SUSD1: variants seen among roughly 807,000 people sequenced by gnomAD.
SUSD1 encodes sushi domain containing 1, also known as sushi domain-containing protein 1.
A neutral mutation model predicts 86.9 loss-of-function variants in SUSD1; 65 were observed. The ratio of observed to expected loss-of-function variants is 0.75; its 90% CI spans 0.61 to 0.92. SUSD1 has a LOEUF of 0.92. Ranked by LOEUF, SUSD1 falls within the 40% of genes least tolerant of loss-of-function variation. The pLI is 0.00. For missense variants in SUSD1, 850 were observed against 929.7 expected (o/e 0.91, Z 1.11); for synonymous variants, 346 against 350.0 (o/e 0.99, Z 0.13).
chr9:112,102,287 TAA>T lies in SUSD1; in HGVS notation c.1172-4_1172-3del. 1 of 1,517,280 alleles carries T rather than the reference TAA, an allele frequency of 6.6e-7. No homozygotes were observed. Among genetic ancestry groups the T allele is most frequent in the Non-Finnish European group, 9.0e-7 (1 of 1,106,970 alleles). The allele number at this position is 1,517,280 out of a possible 1,614,324, so 94.0% of individuals were successfully genotyped here. A position where few individuals can be genotyped will look rare whatever the true frequency, so the allele number is the denominator to read the frequency against. Reference sequence around the variant, plus strand: ...CATCATCTTCTAAGAGATCAACTTCTAAAAGACAAGAGAGAGAGTTATAGACA... The same window carrying T: ...CATCATCTTCTAAGAGATCAACTTCTAAGACAAGAGAGAGAGTTATAGACA... On this transcript the variant is annotated splice_region_variant and splice_polypyrimidine_tract_variant and intron_variant, in intron 8 of 16. Transcript: ENST00000374270.
intron 8 of SUSD1, among the ~76,000 whole-genome samples, chr9:112,109,993 A>G (rs568743893): frequency 6.6e-6 from 1 of 152,278 alleles, no homozygotes; most frequent in African/African-American, 2.4e-5. Flanking sequence ...ACTCGGGTTA[A>G]GGTACAGTTT....
In SUSD1 at chr9:112,142,319, C is replaced by G. The variant is rs1246985405; in HGVS notation, c.706+1G>C. The G allele has an allele frequency of 6.4e-7, 1 of 1,565,170 alleles. No individual in the cohort carries two copies. The highest frequency in any genetic ancestry group is 2.3e-5 in the East Asian group (1 of 43,252). On this transcript the variant is annotated splice_donor_variant, in intron 5 of 16. Coordinates refer to ENST00000374270, the MANE Select transcript of SUSD1 (RefSeq NM_022486.5). LOFTEE classifies it high-confidence loss of function. ...GGAACCTGTATTTTTTGAAAACTCACCTTGGCAATGTAATTTTGGGGACTC... is the reference window on the plus strand; with the variant it reads ...GGAACCTGTATTTTTTGAAAACTCAGCTTGGCAATGTAATTTTGGGGACTC...
chr9:112,152,357 AT>A (rs1029468846), intron 2 of SUSD1, among the ~76,000 whole-genome samples: 9 of 151,190 alleles, frequency 6.0e-5, no homozygotes, highest in East Asian at 1.9e-4. Context: ...TGTACGAAGA[AT>A]TTTTTTTTGT....
chr9:112,156,185 C>T (rs1372829353), intron 2 of SUSD1, among the ~76,000 whole-genome samples: 3 of 151,684 alleles, frequency 2.0e-5, no homozygotes, highest in Non-Finnish European at 4.4e-5. Context: ...ACTCACTGGC[C>T]GGGCGCAGTG....
rs1262402878 is a variant in SUSD1 at position 112,173,557 on chromosome 9, C to T, written c.103+1576G>A. ...GGCTTTGTAGGGGCCTGAGCTCCTT[C>T]GGGAGTCTGAGCTGGAACTGAAGCT... is the stretch of plus-strand genomic sequence containing the variant. On this transcript the variant is annotated intron_variant, in intron 1 of 16. Coordinates refer to ENST00000374270, the MANE Select transcript of SUSD1 (RefSeq NM_022486.5). 6.4e-5 allele frequency: 22 copies of T among 344,338 alleles called. No individual in the cohort carries two copies. The East Asian group carries it at 6.4e-4, about 10-fold the overall frequency. The allele number at this position is 344,338 out of a possible 1,614,324, so 21.3% of individuals were successfully genotyped here.
chr9:112,110,938 C>A (rs911172049), intron 8 of SUSD1, among the ~76,000 whole-genome samples: 1 of 152,150 alleles, frequency 6.6e-6, no homozygotes, highest in Non-Finnish European at 1.5e-5. Flanking sequence ...GCTGGGTCAG[C>A]CTCCCTGGCA....
intron 13 of SUSD1, among the ~76,000 whole-genome samples, chr9:112,061,812 CTT>C (rs78974539): frequency 1.4e-5 from 2 of 146,184 alleles, no homozygotes; most frequent in African/African-American, 2.5e-5. Flanking sequence ...TAATATCTCA[CTT>C]TTTTTTTTTT....
chr9:112,133,318 A>G (rs769411674), intron 5 of SUSD1, among the ~76,000 whole-genome samples: 41 of 152,214 alleles, frequency 2.7e-4, no homozygotes, highest in Admixed American at 1.3e-4. Context: ...TTCAAACTAT[A>G]CTACAAAGCT....
At chr9:112,083,448 G>A (rs762172071) in intron 10 of SUSD1, among the ~76,000 whole-genome samples, 21 of 152,174 alleles carry the variant, frequency 1.4e-4, no homozygotes, top group Non-Finnish European at 2.9e-4. Context: ...GGCTGGTCTC[G>A]AACTCCTGAC....
At chr9:112,157,711 A>C in intron 1 of SUSD1, 98 bp from the exon 2 acceptor site, 1 of 827,180 alleles carries the variant, frequency 1.2e-6, no homozygotes, top group Non-Finnish European at 2.0e-6. Flanking sequence ...TTTGAAGACC[A>C]AAATAACACA....
At chr9:112,173,795 G>A (rs780096099) in intron 1 of SUSD1, 17 of 277,806 alleles carry the variant, frequency 6.1e-5, no homozygotes, top group African/African-American at 2.7e-4. Context: ...TGGCACTGTC[G>A]CCCTGCATCT....
chr9:112,170,728 G>GAT (rs1347691299), intron 1 of SUSD1, among the ~76,000 whole-genome samples: 1 of 151,484 alleles, frequency 6.6e-6, no homozygotes, highest in Non-Finnish European at 1.5e-5. Flanking sequence ...GAGAGAGAGA[G>GAT]AGAGAGAGCC....
intron 10 of SUSD1, among the ~76,000 whole-genome samples, chr9:112,089,997 G>T (rs1167786500): frequency 6.6e-6 from 1 of 151,996 alleles, no homozygotes; most frequent in South Asian, 2.1e-4. Context: ...ATGAAAACAG[G>T]TGACAGGCCA....
chr9:112,160,737 A>G (rs1379577585), intron 1 of SUSD1, among the ~76,000 whole-genome samples: 1 of 152,224 alleles, frequency 6.6e-6, no homozygotes, highest in Non-Finnish European at 1.5e-5. Context: ...GAGAGGAAGA[A>G]CTAAAAGCCA....
At chr9:112,054,715 AT>A (rs756418864) in intron 14 of SUSD1, among the ~76,000 whole-genome samples, 2 of 152,194 alleles carry the variant, frequency 1.3e-5, no homozygotes, top group Non-Finnish European at 2.9e-5. Context: ...AAACCTAAAT[AT>A]AAGACCTCAA....
At chr9:112,132,613 G>A (rs907131368) in intron 5 of SUSD1, among the ~76,000 whole-genome samples, 2 of 152,176 alleles carry the variant, frequency 1.3e-5, no homozygotes, top group East Asian at 3.8e-4. Flanking sequence ...CAATGCTTAC[G>A]TTCCAAATCA....
Position 112,175,248 on chromosome 9 carries a change from CCCTCCCGGCGCGCCCGCGCCT to C in SUSD1, c.-34_-14del. On this transcript the variant is annotated 5_prime_UTR_variant, in exon 1 of 17. Transcript: ENST00000374270. This position sits in a 1 kb window ranked among gnomAD's most constrained non-coding sequence, Gnocchi z 4.7. ...GCCCCCGGCCCATGCCGCCGCCGGTCCCTCCCGGCGCGCCCGCGCCTCCTCCCGGGGCCCTCAGGGTGCAGA... is the reference window on the plus strand; with the variant it reads ...GCCCCCGGCCCATGCCGCCGCCGGTCCCTCCCGGGGCCCTCAGGGTGCAGA... The C allele has an allele frequency of 1.7e-6, 2 of 1,150,836 alleles. No individual in the cohort carries two copies. Among genetic ancestry groups the C allele is most frequent in the Admixed American group, 4.8e-5 (1 of 20,936 alleles). 71.3% of individuals were successfully genotyped at this position (1,150,836 alleles called of 1,614,324 possible). A position where few individuals can be genotyped will look rare whatever the true frequency, so the allele number is the denominator to read the frequency against.
At chr9:112,119,566 C>T (rs573282270) in intron 6 of SUSD1, among the ~76,000 whole-genome samples, 1 of 152,168 alleles carries the variant, frequency 6.6e-6, no homozygotes, top group African/African-American at 2.4e-5. Context: ...AGTGAGTGAG[C>T]GTCAGCCTTA....
intron 6 of SUSD1, among the ~76,000 whole-genome samples, chr9:112,117,287 G>A (rs1471139313): frequency 6.6e-6 from 1 of 152,196 alleles, no homozygotes; most frequent in Admixed American, 6.5e-5. Flanking sequence ...CTCTCACATG[G>A]CTTTTCTCCC....
Sources: gnomAD v4.1 joint callset for allele counts (sites outside exome capture counted in the v4.1 genomes callset) on GRCh38, gnomAD v4.1.1 for gene constraint, Gnocchi (gnomAD v3.1) non-coding constraint, MANE v1.5 for transcripts, NCBI Gene and HGNC (gene_info 2026-07-23, HGNC 2026-07-21) for gene names.